The following RSPH4A variants were observed in gnomAD, a reference collection of about 807,000 sequenced individuals.
The protein encoded by RSPH4A is radial spoke head protein 4 homolog A.
A neutral mutation model predicts 71.0 loss-of-function variants in RSPH4A; 47 were observed. The ratio of observed to expected loss-of-function variants is 0.66; its 90% confidence interval spans 0.52 to 0.84. RSPH4A has a LOEUF of 0.84. RSPH4A is among the 40% of genes least tolerant of loss of function. The pLI is 0.00. For missense variants in RSPH4A, 793 were observed against 855.2 expected (o/e 0.93, Z 0.91); for synonymous variants, 282 against 302.3 (o/e 0.93, Z 0.70).
chr6:116,623,274 T>A (rs575457462), intron 2 of RSPH4A, among the ~76,000 whole-genome samples: 46 of 152,156 alleles, frequency 3.0e-4, no homozygotes, highest in Admixed American at 2.0e-3. Flanking sequence ...TTAGTAGAGA[T>A]GGGGTTTCGC....
intron 2 of RSPH4A, among the ~76,000 whole-genome samples, chr6:116,624,514 C>A (rs1775661990): frequency 6.6e-6 from 1 of 152,084 alleles, no homozygotes; most frequent in Non-Finnish European, 1.5e-5. Flanking sequence ...GGACCTGGGC[C>A]CTTTAACTAG....
In RSPH4A at chr6:116,628,377, C is replaced by A; in HGVS notation, c.1662+8C>A. 3 of 1,595,918 alleles carry A rather than the reference C, an allele frequency of 1.9e-6. No individual in the cohort carries two copies. The highest frequency in any genetic ancestry group is 2.6e-6 in the Non-Finnish European group (3 of 1,164,104). Reference sequence around the variant, plus strand: ...CAGCATATTCTCTCTCAGGTAGGAGCTTTGCACTTCTCAATCTATCAGGTA... The same window carrying A: ...CAGCATATTCTCTCTCAGGTAGGAGATTTGCACTTCTCAATCTATCAGGTA... On this transcript the variant is annotated splice_region_variant and intron_variant, in intron 3 of 5. Coordinates refer to ENST00000229554, the MANE Select transcript of RSPH4A (RefSeq NM_001010892.3).
At chr6:116,621,599 C>A (rs1401978383) in intron 1 of RSPH4A, among the ~76,000 whole-genome samples, 2 of 152,128 alleles carry the variant, frequency 1.3e-5, no homozygotes, top group Non-Finnish European at 2.9e-5. Context: ...CTCCTCTGAA[C>A]TGGGGAAGGA....
At chr6:116,630,675 T>TTG in intron 5 of RSPH4A, 123 bp downstream of exon 5, 1 of 530,206 alleles carries the variant, frequency 1.9e-6, no homozygotes, top group East Asian at 3.3e-5. Context: ...GTGTTTTTTT[T>TTG]TTTTTTTTTT....
Position 116,629,568 on chromosome 6 carries a change from G to A in RSPH4A, c.1664G>A (p.Gly555Asp), listed in dbSNP as rs1211059785. 6.2e-7 allele frequency: 1 copy of A among 1,612,842 alleles called. No homozygotes were observed. Among genetic ancestry groups the A allele is most frequent in the Admixed American group, 1.7e-5 (1 of 60,014 alleles). Residue 555 changes from glycine to aspartate, a missense_variant and splice_region_variant, in exon 4 of 6, where the codon GGT becomes GAT. Coordinates refer to ENST00000229554, the MANE Select transcript of RSPH4A (RefSeq NM_001010892.3). Reference sequence around the variant, plus strand: ...AAATCTTGCAACATTCATTCCCAGGGTCGCTGTAATTGGTTCAACTCCATA... The same window carrying A: ...AAATCTTGCAACATTCATTCCCAGGATCGCTGTAATTGGTTCAACTCCATA... ...VHHVQHILSQ[G>D]RCNWFNSIQK...
In RSPH4A at chr6:116,629,712, CG is replaced by C; in HGVS notation, c.1798+11del. On this transcript the variant is annotated intron_variant, in intron 4 of 5. Transcript: ENST00000229554. ...ATCTCTGAAGATTTAGGTTATTTTA[CG>C]TAACTATTATCACACACAGACACAC... is the stretch of plus-strand genomic sequence containing the variant. The C allele has an allele frequency of 6.2e-7, 1 of 1,602,610 alleles. No homozygotes were observed. The highest frequency in any genetic ancestry group is 8.5e-7 in the Non-Finnish European group (1 of 1,170,112).
rs1289283761 is a variant in RSPH4A, at chr6:116,629,648, T to C, written c.1744T>C (p.Tyr582His). ...EEDEEKDDSD[Y>H]IEQEVGLPLL... is the part of the protein sequence containing the mutation. ...AGATGAAGAAAAAGACGATTCTGAC[T>C]ACATAGAACAGGAAGTGGGGCTTCC... The change falls in exon 4 of 6, where the codon TAC becomes CAC. Residue 582 changes from tyrosine (Y) to histidine (H), a missense_variant. Coordinates refer to ENST00000229554, the MANE Select transcript of RSPH4A (RefSeq NM_001010892.3). 1 of 1,613,268 alleles carries C rather than the reference T, an allele frequency of 6.2e-7. No homozygotes were observed. The highest frequency in any genetic ancestry group is 8.5e-7 in the Non-Finnish European group (1 of 1,179,252).
At chr6:116,622,595 T>C (rs1331989267) in intron 1 of RSPH4A, among the ~76,000 whole-genome samples, 173 bp from the exon 2 acceptor site, 2 of 152,182 alleles carry the variant, frequency 1.3e-5, no homozygotes, top group African/African-American at 4.8e-5. Context: ...AGTCTGCAAA[T>C]AGTTGTTCAA....
Position 116,617,064 on chromosome 6 carries a change from A to G in RSPH4A, c.441A>G (p.Gly147=). ...CTCATCACACAAGCCAGTCAGAAGG[A>G]AACACCTTTCAACAGTCTCAGCAAC... ...STPHHTSQSE[G]NTFQQSQQPK... Residue 147 remains glycine (G), a synonymous_variant, in exon 1 of 6, where the codon GGA becomes GGG. Coordinates refer to ENST00000229554, the MANE Select transcript of RSPH4A (RefSeq NM_001010892.3). 4 of 1,614,228 alleles carry G rather than the reference A, an allele frequency of 2.5e-6. No homozygotes were observed. Among genetic ancestry groups the G allele is most frequent in the Non-Finnish European group, 3.4e-6 (4 of 1,180,044 alleles).
At chr6:116,626,578 T>G (rs765556552) in intron 2 of RSPH4A, among the ~76,000 whole-genome samples, 1 of 152,130 alleles carries the variant, frequency 6.6e-6, no homozygotes, top group Non-Finnish European at 1.5e-5. Flanking sequence ...ACTGACCTTG[T>G]GATCCACCTG....
chr6:116,621,031 G>T (rs889026504), intron 1 of RSPH4A, among the ~76,000 whole-genome samples: 43 of 152,038 alleles, frequency 2.8e-4, no homozygotes, highest in African/African-American at 1.0e-3. Context: ...ACTAATTTTT[G>T]TTTTTTTAAT....
Position 116,628,168 on chromosome 6 carries a change from A to G in RSPH4A, c.1461A>G (p.Gln487=). 6.2e-7 allele frequency: 1 copy of G among 1,614,112 alleles called. No individual in the cohort carries two copies. The highest frequency in any genetic ancestry group is 8.5e-7 in the Non-Finnish European group (1 of 1,180,008). ...PGNESNYLRA[Q]IARISAGTHV... The stretch of plus-strand genomic sequence containing the variant: ...ATGAGAGTAATTATTTACGAGCACA[A>G]ATTGCCCGAATTTCAGCAGGAACCC... Residue 487 remains glutamine, a synonymous_variant, in exon 3 of 6, where the codon CAA becomes CAG. Coordinates refer to ENST00000229554, the MANE Select transcript of RSPH4A (RefSeq NM_001010892.3).
chr6:116,627,205 TTTTG>T (rs1331045526), intron 2 of RSPH4A, among the ~76,000 whole-genome samples: 1 of 151,748 alleles, frequency 6.6e-6, no homozygotes, highest in South Asian at 2.1e-4. Context: ...ACCTAAATCT[TTTTG>T]TTTGTTTTTT....
At position 116,632,223 on chromosome 6, in the gene RSPH4A, T is replaced by G. The variant is rs1323008510; in HGVS notation, c.1933T>G (p.Tyr645Asp). The change falls in exon 6 of 6, where the codon TAC becomes GAC. Residue 645 changes from tyrosine (Y) to aspartate (D), a missense_variant. Transcript: ENST00000229554. ...FSNGKKFENF[Y>D]IGWGHKYSPD... ...TACTTATAGAAAGTTTGAAAATTTC[T>G]ACATAGGCTGGGGTCATAAGTATAG... 2.5e-6 allele frequency: 4 copies of G among 1,610,546 alleles called. No individual in the cohort carries two copies. The highest frequency in any genetic ancestry group is 2.7e-5 in the African/African-American group (2 of 74,770).
intron 5 of RSPH4A, among the ~76,000 whole-genome samples, chr6:116,631,125 T>G (rs1432375145): frequency 6.6e-6 from 1 of 152,192 alleles, no homozygotes; most frequent in Non-Finnish European, 1.5e-5. Context: ...CCCTTTCATC[T>G]TAATTATCCA....
At position 116,624,992 on chromosome 6, in the gene RSPH4A, C is replaced by CCTAGTTCAACT. The variant is rs1184083448; in HGVS notation, c.921+1991_921+2001dup. ...GAGGTAGCCAGATCTGAGCTAGAATCCTAGTTCAACTAGCTTGCTAGTTGT... is the reference window on the plus strand; with the variant it reads ...GAGGTAGCCAGATCTGAGCTAGAATCCTAGTTCAACTCTAGTTCAACTAGCTTGCTAGTTGT... On this transcript the variant is annotated intron_variant, in intron 2 of 5. Coordinates refer to ENST00000229554, the MANE Select transcript of RSPH4A (RefSeq NM_001010892.3). 2.0e-5 allele frequency among the ~76,000 whole-genome samples: 3 copies of CCTAGTTCAACT among 151,844 alleles called. No homozygotes were observed. The East Asian group carries it at 5.8e-4, about 29-fold the overall frequency.
rs1003134527 is a variant in RSPH4A at position 116,627,583 on chromosome 6, C to T, written c.922-46C>T. On this transcript the variant is annotated intron_variant, in intron 2 of 5. Coordinates refer to ENST00000229554, the MANE Select transcript of RSPH4A (RefSeq NM_001010892.3). ...ACATGAAAAAGACAAGGGAAGCAAG[C>T]ATTTGTCTTATTGATAAATTTTAAC... The T allele has an allele frequency of 9.6e-6, 13 of 1,356,700 alleles. No individual in the cohort carries two copies. The African/African-American group carries it at 1.9e-4, about 19-fold the overall frequency. The allele number at this position is 1,356,700 out of a possible 1,614,324, so 84.0% of individuals were successfully genotyped here.
chr6:116,622,829 G>A lies in RSPH4A; in HGVS notation c.748G>A (p.Asp250Asn). The change falls in exon 2 of 6, where the codon GAC (aspartate) becomes AAC (asparagine). Residue 250 changes from aspartate to asparagine, a missense_variant. Physicochemically the swap from Asp to Asn is conservative, Grantham distance 23. Coordinates refer to ENST00000229554, the MANE Select transcript of RSPH4A (RefSeq NM_001010892.3). ...AAATGAGCGTCCTGAAAATGCTGTT[G>A]ACATCTTTGAAAATATTAGCCAAGA... ...ILNERPENAV[D>N]IFENISQDVK... 6.2e-7 allele frequency: 1 copy of A among 1,613,278 alleles called. No homozygotes were observed.
chr6:116,627,033 A>T (rs1237354237), intron 2 of RSPH4A, among the ~76,000 whole-genome samples: 1 of 152,124 alleles, frequency 6.6e-6, no homozygotes, highest in African/African-American at 2.4e-5. Flanking sequence ...ATAAAACAGG[A>T]ATGTTGAATT....
Sources: gnomAD v4.1 joint callset for allele counts (sites outside exome capture counted in the v4.1 genomes callset) on GRCh38, gnomAD v4.1.1 for gene constraint, MANE v1.5 for transcripts, NCBI Gene and HGNC (gene_info 2026-07-23, HGNC 2026-07-21) for gene names.